Variants in CFAP54 observed in about 807,000 individuals in gnomAD.
The protein encoded by CFAP54 is cilia and flagella associated protein 54.
In CFAP54, 290 loss-of-function variants were observed where a neutral mutation model predicts 370.4. The ratio of observed to expected loss-of-function variants is 0.78; its 90% CI spans 0.71 to 0.86. CFAP54 has a LOEUF of 0.86. CFAP54 is among the 40% of genes least tolerant of loss of function. CFAP54 has a pLI of 0.00. For missense variants in CFAP54, 3,399 were observed against 3,528.7 expected, an observed-to-expected ratio of 0.96 and a Z score of 0.93; for synonymous variants, 1,206 against 1,236.5, an observed-to-expected ratio of 0.98 and a Z score of 0.52.
intron 45 of CFAP54, among the ~76,000 whole-genome samples, chr12:96,696,942 A>C (rs1208399022): frequency 2.0e-5 from 3 of 152,186 alleles, no homozygotes; most frequent in Non-Finnish European, 4.4e-5. Flanking sequence ...AAGAGCAATA[A>C]TAGATCACAC....
At chr12:96,569,361 G>C (rs1955891560) in intron 19 of CFAP54, among the ~76,000 whole-genome samples, 1 of 152,162 alleles carries the variant, frequency 6.6e-6, no homozygotes, top group Non-Finnish European at 1.5e-5. Flanking sequence ...CTTGAGTAGA[G>C]GGATACAAAG....
At position 96,826,497 on chromosome 12, in the gene CFAP54, A is replaced by G. The variant is rs1349708619; in HGVS notation, c.9097-2517A>G. 6.5e-5 allele frequency among the ~76,000 whole-genome samples: 7 copies of G among 108,364 alleles called. No homozygotes were observed. The South Asian group carries it at 1.4e-3, about 21-fold the overall frequency. The allele number at this position is 108,364 out of a possible 152,430, so 71.1% of individuals were successfully genotyped here. A position where few individuals can be genotyped will look rare whatever the true frequency, so the allele number is the denominator to read the frequency against. ...ATAATATATGTAAATAATATATAATATATATCATGATATATAAATATATAA... is the reference window on the plus strand; with the variant it reads ...ATAATATATGTAAATAATATATAATGTATATCATGATATATAAATATATAA... On this transcript the variant is annotated intron_variant, in intron 65 of 67. Transcript: ENST00000524981.
intron 46 of CFAP54, among the ~76,000 whole-genome samples, chr12:96,702,038 G>A (rs143515918): frequency 5.9e-5 from 9 of 152,256 alleles, no homozygotes; most frequent in African/African-American, 2.2e-4. Context: ...TGATTGTGCC[G>A]AAGGGAGTGA....
At chr12:96,620,337 G>A (rs1410235647) in intron 26 of CFAP54, among the ~76,000 whole-genome samples, 2 of 152,200 alleles carry the variant, frequency 1.3e-5, no homozygotes, top group East Asian at 3.8e-4. Context: ...AATCATGGGG[G>A]CGGGTCTTTC....
intron 26 of CFAP54, among the ~76,000 whole-genome samples, chr12:96,610,580 AG>A (rs1956347579): frequency 6.6e-6 from 1 of 152,196 alleles, no homozygotes; most frequent in South Asian, 2.1e-4. Context: ...GAGCCGAAGC[AG>A]GGTGAGGCAT....
chr12:96,799,060 T>C (rs546456129), intron 63 of CFAP54, among the ~76,000 whole-genome samples: 20 of 152,336 alleles, frequency 1.3e-4, no homozygotes, highest in Non-Finnish European at 2.5e-4. Flanking sequence ...CCTTTATTCA[T>C]ATCTATATCC....
intron 44 of CFAP54, among the ~76,000 whole-genome samples, chr12:96,691,765 G>A (rs1369941482): frequency 6.6e-6 from 1 of 152,028 alleles, no homozygotes; most frequent in Non-Finnish European, 1.5e-5. Context: ...TTCTAAGTAT[G>A]AGGTAAAAGA....
chr12:96,664,799 A>C lies in CFAP54; in HGVS notation c.5563+867A>C, dbSNP rs369516772. Among the ~76,000 whole-genome samples, 29 of 25,090 alleles carry C rather than the reference A, an allele frequency of 1.2e-3. 2 individuals are homozygous for C. The highest frequency in any genetic ancestry group is 4.0e-3 in the Admixed American group (8 of 1,978). 16.5% of individuals were successfully genotyped at this position (25,090 alleles called of 152,430 possible). ...TATCTATATATATATATATATATAT[A>C]TATATATATATATAGATATATATAT... is the stretch of plus-strand genomic sequence containing the variant. On this transcript the variant is annotated intron_variant, in intron 39 of 67. Coordinates refer to ENST00000524981, the MANE Select transcript of CFAP54 (RefSeq NM_001306084.2).
At chr12:96,707,362 A>C (rs1414306921) in intron 47 of CFAP54, among the ~76,000 whole-genome samples, 1 of 152,222 alleles carries the variant, frequency 6.6e-6, no homozygotes, top group Non-Finnish European at 1.5e-5. Flanking sequence ...GCATCAGGTC[A>C]GAAGTTACAT....
At chr12:96,829,115 T>A (rs1460245104) in intron 66 of CFAP54, 27 bp downstream of exon 66, 1 of 1,234,576 alleles carries the variant, frequency 8.1e-7, no homozygotes, top group African/African-American at 1.5e-5. Flanking sequence ...TAAAATTGTA[T>A]CTAATTCACT....
chr12:96,708,848 CCTAA>C, intron 48 of CFAP54, 45 bp downstream of exon 48: 9 of 1,453,074 alleles, frequency 6.2e-6, no homozygotes, highest in Non-Finnish European at 8.5e-6. Flanking sequence ...CCTCCCTTTC[CCTAA>C]CTGTTCTCCC....
chr12:96,554,440 C>A, intron 16 of CFAP54, 130 bp downstream of exon 16: 2 of 1,225,650 alleles, frequency 1.6e-6, no homozygotes, highest in Non-Finnish European at 1.1e-6. Context: ...ATATTTCCCT[C>A]TTCCCAGAAG....
chr12:96,727,952 A>G (rs1957863954), intron 50 of CFAP54, among the ~76,000 whole-genome samples: 1 of 151,708 alleles, frequency 6.6e-6, no homozygotes, highest in African/African-American at 2.4e-5. Flanking sequence ...GTTTGGCTGG[A>G]TATGAAATTC....
At chr12:96,518,528 A>G (rs1050071052) in intron 5 of CFAP54, among the ~76,000 whole-genome samples, 7 of 152,162 alleles carry the variant, frequency 4.6e-5, no homozygotes, top group Admixed American at 3.3e-4. Context: ...CTCTACTAAA[A>G]TAGAAAAATT....
At chr12:96,617,246 A>G (rs2136461234) in intron 26 of CFAP54, among the ~76,000 whole-genome samples, 1 of 152,348 alleles carries the variant, frequency 6.6e-6, no homozygotes, top group East Asian at 1.9e-4. Context: ...TGGCCTTTAT[A>G]TAACAGGACC....
chr12:96,503,855 G>T, intron 2 of CFAP54, 31 bp from the exon 3 acceptor site: 2 of 1,447,760 alleles, frequency 1.4e-6, no homozygotes, highest in South Asian at 1.4e-5. Context: ...TGATATTTTG[G>T]AACTTTAATC....
chr12:96,536,287 A>G (rs1019668282), intron 12 of CFAP54, among the ~76,000 whole-genome samples: 9 of 152,120 alleles, frequency 5.9e-5, no homozygotes, highest in African/African-American at 1.4e-4. Flanking sequence ...TGTTTTTGTT[A>G]CTTTTGTATA....
At chr12:96,851,769 A>T (rs1959552947) in intron 66 of CFAP54, among the ~76,000 whole-genome samples, 1 of 152,072 alleles carries the variant, frequency 6.6e-6, no homozygotes, top group African/African-American at 2.4e-5. Context: ...ACTTTTCTAT[A>T]CTATTCATTT....
At chr12:96,521,082 C>T (rs1380858922) in intron 6 of CFAP54, among the ~76,000 whole-genome samples, 3 of 152,020 alleles carry the variant, frequency 2.0e-5, no homozygotes, top group African/African-American at 7.2e-5. Context: ...ACTTTTATAG[C>T]GTTTTGGCCA....
Sources: gnomAD v4.1 joint callset for allele counts (sites outside exome capture counted in the v4.1 genomes callset) on GRCh38, gnomAD v4.1.1 for gene constraint, MANE v1.5 for transcripts, NCBI Gene and HGNC (gene_info 2026-07-23, HGNC 2026-07-21) for gene names.